Variants in DDX60L observed in about 807,000 individuals in gnomAD.
The protein encoded by DDX60L is DExD/H-box 60 like.
A neutral mutation model predicts 211.6 loss-of-function variants in DDX60L; 191 were observed. The observed-to-expected ratio is 0.90, with a 90% CI of 0.80 to 1.02. The LOEUF (loss-of-function observed/expected upper bound fraction) is 1.02. Ranked by LOEUF, DDX60L falls within the 50% of genes least tolerant of loss-of-function variation. The probability of loss-of-function intolerance (pLI) is 0.00; values close to 1 mark genes in which losing one functional copy is unlikely to be tolerated. For missense variants in DDX60L, 2,007 were observed against 1,984.1 expected, an observed-to-expected ratio of 1.01 and a Z score of -0.22; for synonymous variants, 706 against 694.1, an observed-to-expected ratio of 1.02 and a Z score of -0.27.
chr4:168,463,558 C>T (rs1757596756), intron 4 of DDX60L, among the ~76,000 whole-genome samples: 2 of 152,040 alleles, frequency 1.3e-5, no homozygotes, highest in Non-Finnish European at 1.5e-5. Context: ...AGCTTACCTA[C>T]ATAACAAACC....
At chr4:168,406,128 T>C (rs1291164931) in intron 23 of DDX60L, 50 bp from the exon 24 acceptor site, 2 of 1,541,494 alleles carry the variant, frequency 1.3e-6, no homozygotes, top group Non-Finnish European at 1.7e-6. Flanking sequence ...CAATCTATAG[T>C]AAGAAAAATA....
chr4:168,447,583 A>G (rs13132670), intron 9 of DDX60L, among the ~76,000 whole-genome samples: 120,575 of 151,694 alleles, frequency 0.79, 47,965 homozygotes, highest in East Asian at 0.89. Context: ...ATATGCACAC[A>G]TTATTGTGGC....
chr4:168,415,453 A>G lies in DDX60L; in HGVS notation c.2934T>C (p.Val978=). 2 of 1,608,264 alleles carry G rather than the reference A, an allele frequency of 1.2e-6. No homozygotes were observed. The highest frequency in any genetic ancestry group is 1.7e-6 in the Non-Finnish European group (2 of 1,176,600). ...KHICSVKHDD[V]YFDHFHPCAA... ...CACAGGGATGAAAATGATCAAAATA[A>G]ACATCATCATGTTTTACTGAACATA... Residue 978 remains valine (V), a synonymous_variant, in exon 22 of 38, where the codon GTT becomes GTC. Transcript: ENST00000682922.
intron 29 of DDX60L, among the ~76,000 whole-genome samples, chr4:168,386,160 G>A (rs1025981518): frequency 1.6e-4 from 24 of 152,090 alleles, no homozygotes; most frequent in African/African-American, 5.3e-4. Flanking sequence ...CTGACTGGGT[G>A]GTTTCAAGCT....
At chr4:168,391,769 T>C (rs1255629174) in intron 28 of DDX60L, 125 bp from the exon 29 acceptor site, 1 of 529,670 alleles carries the variant, frequency 1.9e-6, no homozygotes, top group Non-Finnish European at 3.3e-6. Flanking sequence ...TCATTAAAAC[T>C]AACATACTAA....
At chr4:168,455,790 T>G (rs1756486836) in intron 7 of DDX60L, among the ~76,000 whole-genome samples, 1 of 152,204 alleles carries the variant, frequency 6.6e-6, no homozygotes, top group African/African-American at 2.4e-5. Context: ...TACATTGTAT[T>G]TTAAGAAAAA....
chr4:168,399,204 C>T (rs934764838), intron 26 of DDX60L, among the ~76,000 whole-genome samples: 1 of 152,202 alleles, frequency 6.6e-6, no homozygotes. Flanking sequence ...CTGAAACACA[C>T]CCCTTGCTTG....
At chr4:168,387,590 A>G (rs951481034) in intron 29 of DDX60L, among the ~76,000 whole-genome samples, 4 of 152,148 alleles carry the variant, frequency 2.6e-5, no homozygotes, top group Non-Finnish European at 5.9e-5. Flanking sequence ...CAGATCTCAT[A>G]TCCTTTTGTT....
intron 9 of DDX60L, among the ~76,000 whole-genome samples, chr4:168,443,974 A>G (rs183438532): frequency 2.3e-3 from 252 of 108,978 alleles, no homozygotes; most frequent in African/African-American, 8.6e-3. Context: ...ATCAACTAAC[A>G]AGCAAAATAA....
At chr4:168,467,888 C>T (rs1303948128) in intron 4 of DDX60L, among the ~76,000 whole-genome samples, 1 of 152,146 alleles carries the variant, frequency 6.6e-6, no homozygotes, top group East Asian at 1.9e-4. Context: ...TAAAATTGGC[C>T]TGGCACGGTG....
chr4:168,431,764 C>T (rs892062913), intron 12 of DDX60L, among the ~76,000 whole-genome samples: 1 of 151,912 alleles, frequency 6.6e-6, no homozygotes, highest in East Asian at 1.9e-4. Flanking sequence ...AAATAAACAT[C>T]GGATTGGAGA....
At chr4:168,409,657 A>C (rs1748337373) in intron 22 of DDX60L, among the ~76,000 whole-genome samples, 1 of 152,234 alleles carries the variant, frequency 6.6e-6, no homozygotes, top group Non-Finnish European at 1.5e-5. Context: ...GGAAGACAGA[A>C]TCACTTTAAG....
intron 36 of DDX60L, among the ~76,000 whole-genome samples, chr4:168,361,744 G>T (rs375724246): frequency 6.6e-6 from 1 of 152,284 alleles, no homozygotes; most frequent in Non-Finnish European, 1.5e-5. Context: ...GACTTCCAGC[G>T]GTTTCCACAG....
chr4:168,439,054 G>T (rs1221850604), intron 10 of DDX60L, among the ~76,000 whole-genome samples: 1 of 152,140 alleles, frequency 6.6e-6, no homozygotes, highest in African/African-American at 2.4e-5. Context: ...GCCGTTGGTT[G>T]TATGCAGTAT....
intron 9 of DDX60L, among the ~76,000 whole-genome samples, chr4:168,445,648 A>G (rs370949309): frequency 2.0e-5 from 3 of 151,986 alleles, no homozygotes; most frequent in African/African-American, 4.8e-5. Flanking sequence ...CTGGCAAAAC[A>G]AATCCAGCAG....
At chr4:168,419,647 A>T (rs1750153004) in intron 18 of DDX60L, among the ~76,000 whole-genome samples, 1 of 152,198 alleles carries the variant, frequency 6.6e-6, no homozygotes, top group Non-Finnish European at 1.5e-5. Context: ...TTGTGAATTC[A>T]ATAAGGGAGA....
intron 7 of DDX60L, among the ~76,000 whole-genome samples, chr4:168,453,851 T>C (rs1342811547): frequency 6.6e-6 from 1 of 152,168 alleles, no homozygotes; most frequent in Non-Finnish European, 1.5e-5. Context: ...AGGAGATTGA[T>C]TTGGGTTCAA....
At chr4:168,361,875 C>T (rs570208851) in intron 36 of DDX60L, among the ~76,000 whole-genome samples, 35 of 152,328 alleles carry the variant, frequency 2.3e-4, no homozygotes, top group Middle Eastern at 3.4e-3. Context: ...TAAGAGCCCA[C>T]ATTGTGTATC....
chr4:168,407,254 C>CA (rs1315609217), intron 22 of DDX60L, among the ~76,000 whole-genome samples: 2 of 152,160 alleles, frequency 1.3e-5, no homozygotes, highest in Admixed American at 6.5e-5. Flanking sequence ...TTCAGATACT[C>CA]AAAGAAATTT....
Sources: gnomAD v4.1 joint callset for allele counts (sites outside exome capture counted in the v4.1 genomes callset) on GRCh38, gnomAD v4.1.1 for gene constraint, MANE v1.5 for transcripts, NCBI Gene and HGNC (gene_info 2026-07-23, HGNC 2026-07-21) for gene names.